Variants in DDRGK1 observed in about 807,000 individuals in gnomAD.
DDRGK1 encodes the protein DDRGK domain-containing protein 1.
DDRGK1 carries 38 observed loss-of-function variants against 45.8 expected under a neutral mutation model. That is an observed-to-expected ratio of 0.83 (90% CI 0.64 to 1.09). The LOEUF (loss-of-function observed/expected upper bound fraction) is 1.09, where lower values mean the gene tolerates loss of function less well. Ranked by LOEUF, DDRGK1 falls within the 50% of genes least tolerant of loss-of-function variation. The probability of loss-of-function intolerance (pLI) is 0.00; values close to 1 mark genes in which losing one functional copy is unlikely to be tolerated. For synonymous variants in DDRGK1, 171 were observed against 168.7 expected, an observed-to-expected ratio of 1.01 and a Z score of -0.11; for missense variants, 403 against 419.9, an observed-to-expected ratio of 0.96 and a Z score of 0.35.
intron 5 of DDRGK1, 123 bp from the exon 6 acceptor site, chr20:3,194,991 C>T (rs2067004016): frequency 1.4e-6 from 2 of 1,398,556 alleles, no homozygotes; most frequent in Non-Finnish European, 2.0e-6. Context: ...TTTGGCCCGC[C>T]CAACCACCTG....
chr20:3,200,563 C>T (rs894723629), intron 2 of DDRGK1, 109 bp from the exon 3 acceptor site: 2 of 935,010 alleles, frequency 2.1e-6, no homozygotes, highest in Non-Finnish European at 3.3e-6. Context: ...CTTCCACCCA[C>T]CTGCAAATGT....
chr20:3,193,421 A>C (rs2066997577), intron 6 of DDRGK1, among the ~76,000 whole-genome samples: 1 of 151,898 alleles, frequency 6.6e-6, no homozygotes, highest in African/African-American at 2.4e-5. Context: ...CCCAGGCTGG[A>C]GTGCAGTGGC....
chr20:3,199,522 G>A (rs1370584698), intron 4 of DDRGK1, among the ~76,000 whole-genome samples: 1 of 152,102 alleles, frequency 6.6e-6, no homozygotes, highest in Non-Finnish European at 1.5e-5. Flanking sequence ...TTCTCTTTTT[G>A]GGAAACCTGG....
intron 5 of DDRGK1, 150 bp downstream of exon 5, chr20:3,195,081 G>A (rs951955203): frequency 1.3e-5 from 19 of 1,411,628 alleles, no homozygotes; most frequent in Non-Finnish European, 8.7e-6. Context: ...TGAGGACAAG[G>A]CCTCTGGCCA....
intron 2 of DDRGK1, among the ~76,000 whole-genome samples, chr20:3,202,864 T>C (rs1300406504): frequency 6.6e-6 from 1 of 152,226 alleles, no homozygotes; most frequent in African/African-American, 2.4e-5. Context: ...CTCCAGGAAC[T>C]GCAGAAACTC....
At chr20:3,196,941 G>A (rs2067013551) in intron 4 of DDRGK1, among the ~76,000 whole-genome samples, 1 of 151,628 alleles carries the variant, frequency 6.6e-6, no homozygotes, top group African/African-American at 2.4e-5. Context: ...AAAAATGGCT[G>A]GTCGGGCACG....
chr20:3,198,129 C>G (rs1169947327), intron 4 of DDRGK1, among the ~76,000 whole-genome samples: 1 of 143,350 alleles, frequency 7.0e-6, no homozygotes, highest in Non-Finnish European at 1.5e-5. Flanking sequence ...AAAAAAAGGC[C>G]GGGCACAGTG....
At position 3,203,315 on chromosome 20, in the gene DDRGK1, G is replaced by C; in HGVS notation, c.193C>G (p.Arg65Gly). Residue 65 changes from arginine (R) to glycine (G), a missense_variant, in exon 2 of 9, where the codon CGG becomes GGG. Coordinates refer to ENST00000354488, the MANE Select transcript of DDRGK1 (RefSeq NM_023935.3). Reference sequence around the variant, plus strand: ...CGGCTGCCCAGGTCCCTCCGGCGCCGAGGCCTGCCTCCAGCTCTCGGCTCC... The same window carrying C: ...CGGCTGCCCAGGTCCCTCCGGCGCCCAGGCCTGCCTCCAGCTCTCGGCTCC... ...PEEPRAGGRP[R>G]RRRDLGSRLQ... is the part of the protein sequence containing the mutation. The C allele has an allele frequency of 6.2e-7, 1 of 1,608,472 alleles. No individual in the cohort carries two copies. The highest frequency in any genetic ancestry group is 1.7e-5 in the Admixed American group (1 of 59,436).
intron 6 of DDRGK1, among the ~76,000 whole-genome samples, chr20:3,192,307 T>C (rs1453289728): frequency 1.3e-5 from 2 of 152,134 alleles, no homozygotes; most frequent in Admixed American, 6.5e-5. Context: ...AACAAGGCCC[T>C]GAGAAGGTAG....
chr20:3,201,541 G>C (rs1267312320), intron 2 of DDRGK1, among the ~76,000 whole-genome samples: 1 of 151,788 alleles, frequency 6.6e-6, no homozygotes, highest in Non-Finnish European at 1.5e-5. Flanking sequence ...GGAGGTATCA[G>C]ATTAAAATAT....
chr20:3,194,681 G>T, intron 6 of DDRGK1, 149 bp downstream of exon 6: 3 of 1,033,610 alleles, frequency 2.9e-6, no homozygotes, highest in Non-Finnish European at 4.3e-6. Context: ...AACTCTCCTG[G>T]CCAGGACCCT....
At chr20:3,191,932 A>C in intron 6 of DDRGK1, 111 bp from the exon 7 acceptor site, 3 of 1,006,520 alleles carry the variant, frequency 3.0e-6, no homozygotes, top group South Asian at 3.1e-5. Context: ...GTGGCTGGAA[A>C]AACACTGTAC....
chr20:3,199,129 T>C (rs1206886075), intron 4 of DDRGK1, among the ~76,000 whole-genome samples: 5 of 152,042 alleles, frequency 3.3e-5, no homozygotes, highest in Non-Finnish European at 7.3e-5. Flanking sequence ...CACTCCAGCC[T>C]GGGCAACGGA....
At chr20:3,192,430 A>C (rs2122229037) in intron 6 of DDRGK1, among the ~76,000 whole-genome samples, 1 of 152,294 alleles carries the variant, frequency 6.6e-6, no homozygotes, top group Non-Finnish European at 1.5e-5. Context: ...CGAGCAAGCC[A>C]AGGTCTCTCA....
intron 5 of DDRGK1, 142 bp downstream of exon 5, chr20:3,195,089 C>G: frequency 6.9e-7 from 1 of 1,447,400 alleles, no homozygotes; most frequent in South Asian, 1.3e-5. Flanking sequence ...AGGCCTCTGG[C>G]CACTAAAGCC....
intron 1 of DDRGK1, among the ~76,000 whole-genome samples, 189 bp downstream of exon 1, chr20:3,204,348 A>G (rs1430828467): frequency 6.6e-6 from 1 of 152,082 alleles, no homozygotes; most frequent in Non-Finnish European, 1.5e-5. Context: ...AGAAAGGGGT[A>G]GCGGCGCGGC....
intron 1 of DDRGK1, 61 bp downstream of exon 1, chr20:3,204,476 C>G: frequency 6.6e-7 from 1 of 1,508,576 alleles, no homozygotes; most frequent in South Asian, 1.2e-5. Context: ...CGACGGTCCA[C>G]AAAGGCTCAG....
intron 4 of DDRGK1, among the ~76,000 whole-genome samples, chr20:3,196,404 G>A (rs186846275): frequency 1.8e-4 from 27 of 152,266 alleles, no homozygotes; most frequent in East Asian, 5.8e-4. Context: ...CTAGCCGGGC[G>A]TGGTGGCTCA....
At chr20:3,194,967 G>A (rs1320579539) in intron 5 of DDRGK1, 99 bp from the exon 6 acceptor site, 22 of 1,494,832 alleles carry the variant, frequency 1.5e-5, no homozygotes, top group African/African-American at 2.8e-5. Context: ...AGGGCCACCT[G>A]CCTGCAGCCT....
Sources: gnomAD v4.1 joint callset for allele counts (sites outside exome capture counted in the v4.1 genomes callset) on GRCh38, gnomAD v4.1.1 for gene constraint, MANE v1.5 for transcripts, NCBI Gene and HGNC (gene_info 2026-07-23, HGNC 2026-07-21) for gene names.